Variants in FAM200C observed in about 807,000 individuals in gnomAD.
chr5:160,393,626 A>G, the FAM200C span: 2 of 1,058,004 alleles, frequency 1.9e-6, no homozygotes, highest in Non-Finnish European at 2.7e-6. Flanking sequence ...AGTATATCAT[A>G]AATATGAAAG....
chr5:160,396,912 G>A, the FAM200C span, among the ~76,000 whole-genome samples: 1 of 152,144 alleles, frequency 6.6e-6, no homozygotes, highest in Non-Finnish European at 1.5e-5. Context: ...CCTAAGGTTT[G>A]GTTTAACCCA....
the FAM200C span, among the ~76,000 whole-genome samples, chr5:160,398,276 A>G: frequency 6.6e-6 from 1 of 152,148 alleles, no homozygotes; most frequent in Non-Finnish European, 1.5e-5. Flanking sequence ...AAGGCTGGGT[A>G]CGGTGGCTCA....
chr5:160,395,664 C>T, the FAM200C span: 4 of 625,246 alleles, frequency 6.4e-6, no homozygotes, highest in African/African-American at 1.8e-5. Flanking sequence ...TCGAAGTAAG[C>T]CATGACAGGA....
At chr5:160,395,928 C>A in the FAM200C span, among the ~76,000 whole-genome samples, 113 of 152,236 alleles carry the variant, frequency 7.4e-4, no homozygotes, top group Non-Finnish European at 1.2e-3. Context: ...TGTATGCATA[C>A]CCTCAGTTAA....
At chr5:160,394,474 T>C in the FAM200C span, 1 of 1,613,986 alleles carries the variant, frequency 6.2e-7, no homozygotes, top group Non-Finnish European at 8.5e-7. Flanking sequence ...TGTGAGTAAG[T>C]ATTTGGCCTC....
the FAM200C span, chr5:160,394,949 T>G: frequency 6.2e-7 from 1 of 1,613,550 alleles, no homozygotes; most frequent in South Asian, 1.1e-5. Context: ...GTCATCCATG[T>G]CAGTTGTCTC....
the FAM200C span, among the ~76,000 whole-genome samples, chr5:160,395,894 C>T: frequency 3.3e-5 from 5 of 152,300 alleles, no homozygotes; most frequent in East Asian, 7.7e-4. Flanking sequence ...ACTACCACCA[C>T]CTTCTTCCAC....
chr5:160,395,194 C>A, the FAM200C span: 29 of 1,613,754 alleles, frequency 1.8e-5, no homozygotes, highest in Middle Eastern at 3.3e-4. Context: ...CACATAAATA[C>A]GCAAATTGAT....
chr5:160,394,747 C>T, the FAM200C span: 1 of 1,613,968 alleles, frequency 6.2e-7, no homozygotes, highest in Non-Finnish European at 8.5e-7. Flanking sequence ...TTTCTCCTAG[C>T]ATAGAGGAGG....
At chr5:160,395,631 G>C in the FAM200C span, 3 of 706,844 alleles carry the variant, frequency 4.2e-6, no homozygotes, top group African/African-American at 5.3e-5. Context: ...TATATGTCAA[G>C]ATACAGCCTG....
chr5:160,394,707 C>CT, the FAM200C span: 25 of 1,614,012 alleles, frequency 1.5e-5, no homozygotes, highest in Non-Finnish European at 2.1e-5. Flanking sequence ...TGAGGTATCT[C>CT]TTTTTTCACG....
chr5:160,393,747 T>TGTC, the FAM200C span: 1 of 1,553,270 alleles, frequency 6.4e-7, no homozygotes, highest in African/African-American at 1.4e-5. Context: ...TGTTCAATGA[T>TGTC]GTCCGAGAAA....
At chr5:160,399,430 G>A in the FAM200C span, among the ~76,000 whole-genome samples, 7 of 152,352 alleles carry the variant, frequency 4.6e-5, no homozygotes, top group East Asian at 5.8e-4. Context: ...CACTGCGTAT[G>A]CAAGATCATG....
the FAM200C span, chr5:160,399,809 T>G: frequency 1.3e-5 from 2 of 149,008 alleles, no homozygotes. Flanking sequence ...CAGCGCGGTC[T>G]CCGCCCGCCC....
At chr5:160,394,332 G>A in the FAM200C span, 1 of 1,613,972 alleles carries the variant, frequency 6.2e-7, no homozygotes, top group South Asian at 1.1e-5. Flanking sequence ...GATGCACTGA[G>A]TTCATTTAAG....
At chr5:160,394,528 T>G in the FAM200C span, 1 of 1,614,152 alleles carries the variant, frequency 6.2e-7, no homozygotes, top group Non-Finnish European at 8.5e-7. Context: ...GGACACTATA[T>G]TCTATGCCAA....
chr5:160,394,024 A>G, the FAM200C span: 8 of 1,612,750 alleles, frequency 5.0e-6, no homozygotes, highest in East Asian at 4.5e-5. Flanking sequence ...TTTTCATTAA[A>G]TAACTATCAT....
chr5:160,398,169 G>A, the FAM200C span, among the ~76,000 whole-genome samples: 7 of 152,226 alleles, frequency 4.6e-5, no homozygotes, highest in East Asian at 1.2e-3. Context: ...TTGAACCCAG[G>A]GGGCAGAGGT....
At chr5:160,394,891 G>A in the FAM200C span, 8 of 1,612,338 alleles carry the variant, frequency 5.0e-6, no homozygotes, top group East Asian at 6.7e-5. Flanking sequence ...ATTCTTCTAC[G>A]ATCTCTCTTT....
Sources: allele counts gnomAD v4.1 joint callset (sites outside exome capture counted in the v4.1 genomes callset), GRCh38; gene constraint gnomAD v4.1.1; transcripts MANE v1.5.